Variants in CTSW observed in about 807,000 individuals in gnomAD.
The protein encoded by CTSW is lymphopain.
In CTSW, 42 loss-of-function variants were observed where a neutral mutation model predicts 43.8. The ratio of observed to expected loss-of-function variants is 0.96; its 90% CI spans 0.75 to 1.24. The LOEUF (loss-of-function observed/expected upper bound fraction) is 1.24, where lower values mean the gene tolerates loss of function less well. CTSW is among the 50% of genes most tolerant of loss of function. The pLI is 0.00. For synonymous variants in CTSW, 191 were observed against 184.8 expected (o/e 1.03, Z -0.27); for missense variants, 475 against 479.9 (o/e 0.99, Z 0.09).
intron 3 of CTSW, among the ~76,000 whole-genome samples, chr11:65,881,823 C>G (rs1354963368): frequency 6.6e-6 from 1 of 152,156 alleles, no homozygotes; most frequent in African/African-American, 2.4e-5. Flanking sequence ...GCTCTGTTGT[C>G]CAGGCTGCAG....
rs1191930192 is a variant in CTSW at position 65,882,604 on chromosome 11, A to C, written c.539-5A>C. On this transcript the variant is annotated splice_region_variant and splice_polypyrimidine_tract_variant and intron_variant, in intron 5 of 9. Coordinates refer to ENST00000307886, the MANE Select transcript of CTSW (RefSeq NM_001335.4). ...GGTCACCCACACTGTCCCTTCTTGC[A>C]CCAGAACTGCTGGACTGTGGCCGCT... The C allele has an allele frequency of 1.2e-6, 2 of 1,614,120 alleles. No individual in the cohort carries two copies. Among genetic ancestry groups the C allele is most frequent in the Non-Finnish European group, 1.7e-6 (2 of 1,180,014 alleles).
chr11:65,882,819 A>C lies in CTSW; in HGVS notation c.660A>C (p.Lys220Asn). Reference protein sequence around the residue: ...ASEKDYPFQGKVRAHRCHPKK... With the variant: ...ASEKDYPFQGNVRAHRCHPKK... ...AAAAGGACTACCCGTTCCAGGGCAA[A>C]GTCAGAGCCCACAGGTGCCACCCCA... The change falls in exon 7 of 10, where the codon AAA becomes AAC. Residue 220 changes from lysine (K) to asparagine (N), a missense_variant. By Grantham distance (94) the Lys-to-Asn change is moderately conservative (BLOSUM62 0). Transcript: ENST00000307886. The C allele has an allele frequency of 6.2e-7, 1 of 1,614,158 alleles. No individual in the cohort carries two copies. The highest frequency in any genetic ancestry group is 8.5e-7 in the Non-Finnish European group (1 of 1,180,034).
chr11:65,880,378 A>C, intron 2 of CTSW, 92 bp downstream of exon 2: 1 of 1,024,790 alleles, frequency 9.8e-7, no homozygotes. Flanking sequence ...CTGGAGTGCA[A>C]TGGTGTCATC....
At position 65,883,155 on chromosome 11, in the gene CTSW, G is replaced by C. The variant is rs1272048857; in HGVS notation, c.810+22G>C. 7 of 1,613,988 alleles carry C rather than the reference G, an allele frequency of 4.3e-6. No homozygotes were observed. In the Admixed American group the frequency reaches 8.3e-5, roughly 19 times the overall value. On this transcript the variant is annotated intron_variant, in intron 8 of 9. Coordinates refer to ENST00000307886, the MANE Select transcript of CTSW (RefSeq NM_001335.4). ...TCAGGTGAGATGGGGGAGCTGATGGGGAAGGGGCATACAGGAGACTTGGCC... is the reference window on the plus strand; with the variant it reads ...TCAGGTGAGATGGGGGAGCTGATGGCGAAGGGGCATACAGGAGACTTGGCC...
chr11:65,883,672 C>A lies in CTSW; in HGVS notation c.*54C>A. 1 of 1,519,412 alleles carries A rather than the reference C, an allele frequency of 6.6e-7. No individual in the cohort carries two copies. The highest frequency in any genetic ancestry group is 1.4e-5 in the African/African-American group (1 of 73,278). The allele number at this position is 1,519,412 out of a possible 1,614,324, so 94.1% of individuals were successfully genotyped here. A position where few individuals can be genotyped will look rare whatever the true frequency, so the allele number is the denominator to read the frequency against. On this transcript the variant is annotated 3_prime_UTR_variant, in exon 10 of 10. Coordinates refer to ENST00000307886, the MANE Select transcript of CTSW (RefSeq NM_001335.4). The stretch of plus-strand genomic sequence containing the variant: ...GTTAGGCCAACTGCCTCCTTGCCAG[C>A]CCCACCCCCAGGTTTTTGCCCATCC...
intron 2 of CTSW, 39 bp downstream of exon 2, chr11:65,880,325 C>CA: frequency 7.6e-7 from 1 of 1,316,994 alleles, no homozygotes; most frequent in Non-Finnish European, 1.0e-6. Flanking sequence ...CAAGCCCCCA[C>CA]TTTTTTTTTT....
rs766945204 is a variant in CTSW, at chr11:65,882,219, G to T, written c.331G>T (p.Gly111Trp). Residue 111 changes from glycine (G) to tryptophan (W), a missense_variant, in exon 4 of 10, where the codon GGG (glycine) becomes TGG (tryptophan). Physicochemically the swap from Gly to Trp is radical, Grantham distance 184 (BLOSUM62 -2). Transcript: ENST00000307886. ...QLYGYRRAAG[G>W]VPSMGREIRS... is the part of the protein sequence containing the mutation. ...CTATGGCTATCGGAGGGCAGCTGGA[G>T]GGGTCCCCAGCATGGGCAGAGAAAT... is the stretch of plus-strand genomic sequence containing the variant. 1 of 1,614,200 alleles carries T rather than the reference G, an allele frequency of 6.2e-7. No individual in the cohort carries two copies. The highest frequency in any genetic ancestry group is 8.5e-7 in the Non-Finnish European group (1 of 1,180,044).
chr11:65,881,322 G>A, intron 2 of CTSW, 85 bp from the exon 3 acceptor site: 1 of 833,078 alleles, frequency 1.2e-6, no homozygotes, highest in East Asian at 2.9e-5. Flanking sequence ...CTGGGTGGGT[G>A]TGGGTGGAAG....
chr11:65,883,487 CT>C lies in CTSW; in HGVS notation c.1021-20del. On this transcript the variant is annotated intron_variant, in intron 9 of 9. Coordinates refer to ENST00000307886, the MANE Select transcript of CTSW (RefSeq NM_001335.4). ...CAGGCCTCTTCCCACCTTCCCGCCC[CT>C]ATGTCCCCTAACCTCCTAGGGCTAT... 6.2e-7 allele frequency: 1 copy of C among 1,612,276 alleles called. No individual in the cohort carries two copies. Among genetic ancestry groups the C allele is most frequent in the Non-Finnish European group, 8.5e-7 (1 of 1,178,472 alleles).
Position 65,883,534 on chromosome 11 carries a change from C to T in CTSW, c.1047C>T (p.Ser349=). ...EKGYFRLHRG[S]NTCGITKFPL... ...GCTATTTCCGGCTGCACCGAGGGAG[C>T]AATACCTGTGGCATCACCAAGTTCC... Residue 349 remains serine (S), a synonymous_variant, in exon 10 of 10, where the codon AGC becomes AGT. Coordinates refer to ENST00000307886, the MANE Select transcript of CTSW (RefSeq NM_001335.4). The T allele has an allele frequency of 6.2e-7, 1 of 1,614,036 alleles. No homozygotes were observed. The highest frequency in any genetic ancestry group is 8.5e-7 in the Non-Finnish European group (1 of 1,179,934).
At chr11:65,882,737 G>A (rs1418795978) in intron 6 of CTSW, 42 bp from the exon 7 acceptor site, 4 of 1,614,066 alleles carry the variant, frequency 2.5e-6, no homozygotes, top group Admixed American at 1.7e-5. Flanking sequence ...GGGACAGGGT[G>A]GGCAGGAGCG....
rs759704881 is a variant in CTSW at position 65,883,144 on chromosome 11, G to A, written c.810+11G>A. On this transcript the variant is annotated intron_variant, in intron 8 of 9. Transcript: ENST00000307886. ...ATGAAGCCCCTTCAGGTGAGATGGG[G>A]GAGCTGATGGGGAAGGGGCATACAG... The A allele has an allele frequency of 1.9e-6, 3 of 1,614,012 alleles. No individual in the cohort carries two copies. The highest frequency in any genetic ancestry group is 3.3e-5 in the Admixed American group (2 of 60,022).
At position 65,879,946 on chromosome 11, in the gene CTSW, G is replaced by C. The variant is rs1860085147; in HGVS notation, c.87+5G>C. 1 of 1,611,124 alleles carries C rather than the reference G, an allele frequency of 6.2e-7. No individual in the cohort carries two copies. Among genetic ancestry groups the C allele is most frequent in the Admixed American group, 1.7e-5 (1 of 59,786 alleles). ...AGAGGCCCCCTTAGGGCCCAGGTAA[G>C]TGCTCCCAAACCCTTACCTATGCCA... is the stretch of plus-strand genomic sequence containing the variant. On this transcript the variant is annotated splice_donor_5th_base_variant and intron_variant, in intron 1 of 9. Transcript: ENST00000307886.
Position 65,883,009 on chromosome 11 carries a change from G to A in CTSW, c.746-60G>A, listed in dbSNP as rs1860134133. On this transcript the variant is annotated intron_variant, in intron 7 of 9. Transcript: ENST00000307886. ...GAAGACAAGAGGGGGTGGGGGGAGC[G>A]AAGGAGCGAGAGACCCACACACCCA... 6.2e-6 allele frequency: 10 copies of A among 1,612,608 alleles called. No homozygotes were observed. The South Asian group carries it at 6.6e-5, about 11-fold the overall frequency.
intron 1 of CTSW, 45 bp from the exon 2 acceptor site, chr11:65,880,157 G>T: frequency 6.4e-7 from 1 of 1,563,486 alleles, no homozygotes; most frequent in South Asian, 1.1e-5. Context: ...CCCCAGCAAT[G>T]ATTCCTCTGC....
rs201310333 is a variant in CTSW at position 65,882,903 on chromosome 11, C to G, written c.744C>G (p.His248Gln). ...TCATCATGCTGCAGAACAACGAGCA[C>G]AGTGCGGGCAGGGCAGGGACACGGG... is the stretch of plus-strand genomic sequence containing the variant. Reference protein sequence around the residue: ...QDFIMLQNNEHRIAQYLATYG... With the variant: ...QDFIMLQNNEQRIAQYLATYG... Residue 248 changes from histidine to glutamine, a missense_variant and splice_region_variant, in exon 7 of 10, where the codon CAC becomes CAG. Transcript: ENST00000307886. 6.2e-7 allele frequency: 1 copy of G among 1,613,898 alleles called. No homozygotes were observed. The highest frequency in any genetic ancestry group is 1.7e-5 in the Admixed American group (1 of 60,008).
In CTSW at chr11:65,883,709, A is replaced by G. The variant is rs554609610; in HGVS notation, c.*91A>G. The G allele has an allele frequency of 3.4e-4, 398 of 1,164,354 alleles. 8 individuals are homozygous for G. In the South Asian group the frequency reaches 4.6e-3, roughly 13 times the overall value. The allele number at this position is 1,164,354 out of a possible 1,614,324, so 72.1% of individuals were successfully genotyped here. On this transcript the variant is annotated 3_prime_UTR_variant, in exon 10 of 10. Transcript: ENST00000307886. ...GTTTTTGCCCATCCTCCCAATCTCA[A>G]TACAGCCTGAATAAACCAAGACAAG...
chr11:65,882,101 C>A, intron 3 of CTSW, 74 bp from the exon 4 acceptor site: 1 of 1,556,590 alleles, frequency 6.4e-7, no homozygotes, highest in Non-Finnish European at 8.7e-7. Context: ...ATGGGACCAA[C>A]AGCTGGAGTG....
chr11:65,880,093 G>C, intron 1 of CTSW, 109 bp from the exon 2 acceptor site: 1 of 1,238,906 alleles, frequency 8.1e-7, no homozygotes, highest in Non-Finnish European at 1.2e-6. Context: ...GACAGAAAAG[G>C]CTAACTGGCT....
Sources: allele counts gnomAD v4.1 joint callset (sites outside exome capture counted in the v4.1 genomes callset), GRCh38; gene constraint gnomAD v4.1.1; transcripts MANE v1.5; gene names NCBI Gene and HGNC (gene_info 2026-07-23, HGNC 2026-07-21).